The following RGL1 variants were observed in gnomAD, a reference collection of about 807,000 sequenced individuals.
RGL1 encodes the protein ral guanine nucleotide dissociation stimulator-like 1.
A neutral mutation model predicts 95.2 loss-of-function variants in RGL1; 24 were observed. The observed-to-expected ratio is 0.25, with a 90% CI of 0.18 to 0.35. The LOEUF (loss-of-function observed/expected upper bound fraction) is 0.35, where lower values mean the gene tolerates loss of function less well. RGL1 is among the 10% of genes least tolerant of loss of function. The pLI is 1.00. For missense variants in RGL1, 715 were observed against 936.3 expected, an observed-to-expected ratio of 0.76 and a Z score of 3.08; for synonymous variants, 329 against 344.9, an observed-to-expected ratio of 0.95 and a Z score of 0.51.
chr1:183,733,772 T>C (rs1656770974), intron 1 of RGL1, among the ~76,000 whole-genome samples: 1 of 152,214 alleles, frequency 6.6e-6, no homozygotes, highest in African/African-American at 2.4e-5. Context: ...AGATCATTAT[T>C]ATGTGACACT....
intron 1 of RGL1, among the ~76,000 whole-genome samples, chr1:183,677,256 A>G (rs115791484): frequency 8.5e-4 from 128 of 150,676 alleles, no homozygotes; most frequent in Non-Finnish European, 1.5e-3. Context: ...AACTTCTCTC[A>G]CTAAATATTT....
At chr1:183,669,141 A>T (rs1652263642) in intron 1 of RGL1, among the ~76,000 whole-genome samples, 1 of 151,428 alleles carries the variant, frequency 6.6e-6, no homozygotes, top group Non-Finnish European at 1.5e-5. Flanking sequence ...ATGGGGTTTC[A>T]CCATGTTGGC....
chr1:183,641,628 TC>T (rs1241292908), intron 1 of RGL1, among the ~76,000 whole-genome samples: 2 of 152,238 alleles, frequency 1.3e-5, no homozygotes, highest in Non-Finnish European at 2.9e-5. Flanking sequence ...ATTTGTGCTA[TC>T]TTTATCCAGT....
chr1:183,717,473 G>C (rs1476737197), intron 1 of RGL1, among the ~76,000 whole-genome samples: 3 of 152,012 alleles, frequency 2.0e-5, no homozygotes, highest in African/African-American at 7.3e-5. Context: ...ATGTTGTTTT[G>C]ATCAATTATG....
At position 183,664,128 on chromosome 1, in the gene RGL1, C is replaced by T. The variant is rs189208694; in HGVS notation, c.-33+27627C>T. On this transcript the variant is annotated intron_variant, in intron 1 of 18. Coordinates refer to the RGL1 transcript ENST00000304685. ...ACCTAATGCTAAATGACAAGTTAAT[C>T]GGTGCAGCACACCAGCATGACACAT... is the stretch of plus-strand genomic sequence containing the variant. Among the ~76,000 whole-genome samples the T allele has an allele frequency of 3.0e-4, 45 of 151,324 alleles. No homozygotes were observed. In the East Asian group the frequency reaches 6.0e-3, roughly 20 times the overall value.
chr1:183,811,001 A>G (rs1661672029), intron 2 of RGL1, among the ~76,000 whole-genome samples: 1 of 152,194 alleles, frequency 6.6e-6, no homozygotes, highest in Admixed American at 6.5e-5. Context: ...TGTTTGTTGA[A>G]TGAATAGGTC....
At chr1:183,790,581 A>G (rs1660397738) in intron 2 of RGL1, among the ~76,000 whole-genome samples, 1 of 152,218 alleles carries the variant, frequency 6.6e-6, no homozygotes, top group Non-Finnish European at 1.5e-5. Flanking sequence ...GCCAAGGTCA[A>G]GCAGCCTTCA....
At chr1:183,815,229 G>A (rs1266478091) in intron 2 of RGL1, among the ~76,000 whole-genome samples, 1 of 151,654 alleles carries the variant, frequency 6.6e-6, no homozygotes, top group Non-Finnish European at 1.5e-5. Flanking sequence ...AGCAGAAATG[G>A]TGCCACTGCA....
chr1:183,830,794 T>C (rs985623223), intron 2 of RGL1, among the ~76,000 whole-genome samples: 1 of 152,212 alleles, frequency 6.6e-6, no homozygotes, highest in Non-Finnish European at 1.5e-5. Flanking sequence ...TTCACTGCAG[T>C]TCTCAACTGC....
intron 2 of RGL1, among the ~76,000 whole-genome samples, chr1:183,825,107 A>G (rs1662757638): frequency 6.6e-6 from 1 of 152,188 alleles, no homozygotes; most frequent in Non-Finnish European, 1.5e-5. Flanking sequence ...GTATTTGAAC[A>G]AAGAGAACAG....
At position 183,657,439 on chromosome 1, in the gene RGL1, G is replaced by A. The variant is rs569880085; in HGVS notation, c.-33+20938G>A. Among the ~76,000 whole-genome samples, 579 of 151,624 alleles carry A rather than the reference G, an allele frequency of 3.8e-3. 4 individuals are homozygous for A. The highest frequency in any genetic ancestry group is 0.013 in the African/African-American group (540 of 41,162). ...ATATCTCCTAATGCTATCCCTCCCC[G>A]CTCCCTCCACCCCACAACAGTCCCC... On this transcript the variant is annotated intron_variant, in intron 1 of 18. Coordinates refer to the RGL1 transcript ENST00000304685.
Position 183,903,238 on chromosome 1 carries a change from C to T in RGL1, c.1350+638C>T, listed in dbSNP as rs142712564. On this transcript the variant is annotated intron_variant, in intron 12 of 17. Coordinates refer to ENST00000360851, the MANE Select transcript of RGL1 (RefSeq NM_001297671.3). ...AGAGTTAATAAAGATGGTAAACTCT[C>T]GTGGGTATACTCGAGAGAGGAAAGG... is the stretch of plus-strand genomic sequence containing the variant. Among the ~76,000 whole-genome samples the T allele has an allele frequency of 2.7e-3, 416 of 152,124 alleles. 4 individuals are homozygous for T. Among genetic ancestry groups the T allele is most frequent in the Middle Eastern group, 0.01 (3 of 294 alleles).
chr1:183,713,769 A>G lies in RGL1; in HGVS notation c.-32-28357A>G, dbSNP rs138615833. Among the ~76,000 whole-genome samples, 79 of 152,288 alleles carry G rather than the reference A, an allele frequency of 5.2e-4. 3 individuals carry two copies. In the East Asian group the frequency reaches 0.014, roughly 28 times the overall value. ...GTGAGAAATCATTTCTGTTGTTTAT[A>G]AACCATTCAGTTTATAATATTTTGT... On this transcript the variant is annotated intron_variant, in intron 1 of 18. Transcript: ENST00000304685.
chr1:183,658,628 C>G (rs1296117423), intron 1 of RGL1, among the ~76,000 whole-genome samples: 2 of 152,074 alleles, frequency 1.3e-5, no homozygotes, highest in Admixed American at 1.3e-4. Context: ...CCTCTGGGGG[C>G]AGGGCACAGA....
intron 2 of RGL1, among the ~76,000 whole-genome samples, chr1:183,817,419 A>G (rs939978738): frequency 1.3e-5 from 2 of 151,746 alleles, no homozygotes; most frequent in African/African-American, 4.8e-5. Flanking sequence ...CTTGCTTTCC[A>G]TTTCTCTTGT....
chr1:183,885,993 G>T (rs2102652559), intron 7 of RGL1, among the ~76,000 whole-genome samples: 1 of 151,768 alleles, frequency 6.6e-6, no homozygotes, highest in South Asian at 2.1e-4. Context: ...GCAAAATAAT[G>T]ATTTTGAAAA....
At chr1:183,922,463 TTGA>T in intron 17 of RGL1, 127 bp downstream of exon 17, 1 of 717,406 alleles carries the variant, frequency 1.4e-6, no homozygotes, top group Non-Finnish European at 2.4e-6. Context: ...GTGGTGGTTT[TTGA>T]TAGTGCAAGG....
intron 1 of RGL1, among the ~76,000 whole-genome samples, chr1:183,687,795 C>T (rs1052407054): frequency 1.2e-4 from 19 of 152,020 alleles, no homozygotes; most frequent in African/African-American, 4.6e-4. Context: ...CGATACCGGG[C>T]CAATGAATAA....
At chr1:183,809,474 A>G (rs1661554609) in intron 2 of RGL1, among the ~76,000 whole-genome samples, 1 of 152,200 alleles carries the variant, frequency 6.6e-6, no homozygotes, top group East Asian at 1.9e-4. Flanking sequence ...TTGCCCATTG[A>G]CGGTGAGATT....
Sources: allele counts gnomAD v4.1 joint callset (sites outside exome capture counted in the v4.1 genomes callset), GRCh38; gene constraint gnomAD v4.1.1; transcripts MANE v1.5; gene names NCBI Gene and HGNC (gene_info 2026-07-23, HGNC 2026-07-21).